The following LRRC4C variants were observed in gnomAD, a reference collection of about 807,000 sequenced individuals.
LRRC4C encodes leucine-rich repeat-containing protein 4C.
In LRRC4C, 5 loss-of-function variants were observed where a neutral mutation model predicts 33.6. The observed-to-expected ratio is 0.15, with a 90% CI of 0.08 to 0.31. LRRC4C has a LOEUF of 0.31. LRRC4C is among the 10% of genes least tolerant of loss of function. The pLI is 1.00. For synonymous variants in LRRC4C, 329 were observed against 302.0 expected, an observed-to-expected ratio of 1.09 and a Z score of -0.93; for missense variants, 560 against 796.7, an observed-to-expected ratio of 0.70 and a Z score of 3.58.
At chr11:40,261,570 A>G (rs1238555234) in intron 4 of LRRC4C, among the ~76,000 whole-genome samples, 1 of 152,182 alleles carries the variant, frequency 6.6e-6, no homozygotes, top group Non-Finnish European at 1.5e-5. Context: ...GATAAAAACA[A>G]GTTTTAGAAG....
chr11:41,022,352 A>C (rs542720156), intron 1 of LRRC4C, among the ~76,000 whole-genome samples: 2 of 152,010 alleles, frequency 1.3e-5, no homozygotes, highest in African/African-American at 4.8e-5. Flanking sequence ...AAGAAAACTG[A>C]ACCTTTAATC....
intron 1 of LRRC4C, among the ~76,000 whole-genome samples, chr11:41,438,983 T>C (rs1955528333): frequency 6.6e-6 from 1 of 152,190 alleles, no homozygotes; most frequent in South Asian, 2.1e-4. Context: ...TGTGTAGTGG[T>C]GAAGTCTGTA....
At chr11:40,211,820 C>T (rs1160228187) in intron 5 of LRRC4C, among the ~76,000 whole-genome samples, 1 of 152,128 alleles carries the variant, frequency 6.6e-6, no homozygotes, top group Non-Finnish European at 1.5e-5. Flanking sequence ...CTTTCTGCTT[C>T]CCGAAATGTT....
At chr11:41,046,820 A>G (rs1857807148) in intron 1 of LRRC4C, among the ~76,000 whole-genome samples, 1 of 152,178 alleles carries the variant, frequency 6.6e-6, no homozygotes, top group African/African-American at 2.4e-5. Context: ...CTTATTACTG[A>G]ACTATAGAGA....
chr11:40,597,469 A>G (rs927215806), intron 3 of LRRC4C, among the ~76,000 whole-genome samples: 1 of 152,124 alleles, frequency 6.6e-6, no homozygotes, highest in Non-Finnish European at 1.5e-5. Context: ...TCTATTGTCT[A>G]TCATCAATCC....
At chr11:41,047,324 A>C (rs1857843740) in intron 1 of LRRC4C, among the ~76,000 whole-genome samples, 1 of 152,150 alleles carries the variant, frequency 6.6e-6, no homozygotes, top group Non-Finnish European at 1.5e-5. Flanking sequence ...TATAATTATT[A>C]TAATTTTTAA....
chr11:40,705,876 T>C (rs927553990), intron 2 of LRRC4C, among the ~76,000 whole-genome samples: 1 of 152,136 alleles, frequency 6.6e-6, no homozygotes, highest in African/African-American at 2.4e-5. Flanking sequence ...TGTTGTTTCC[T>C]GACTTTTTAA....
rs150139835 is a variant in LRRC4C at position 40,528,146 on chromosome 11, C to T, written c.-270+119996G>A. On this transcript the variant is annotated intron_variant, in intron 3 of 6. Coordinates refer to ENST00000528697, the MANE Select transcript of LRRC4C (RefSeq NM_001258419.2). The stretch of plus-strand genomic sequence containing the variant: ...AAAACTGATTTCTTGGATATAACAC[C>T]GAAAGCAAAGCAAAAAAGCAAAAAT... 1.3e-4 allele frequency among the ~76,000 whole-genome samples: 19 copies of T among 151,856 alleles called. No individual in the cohort carries two copies. The East Asian group carries it at 2.9e-3, about 23-fold the overall frequency.
intron 1 of LRRC4C, among the ~76,000 whole-genome samples, chr11:41,452,985 C>T (rs1057225204): frequency 5.9e-5 from 9 of 151,998 alleles, no homozygotes; most frequent in Non-Finnish European, 1.2e-4. Context: ...AATCTCTGTT[C>T]TAGATACTTT....
chr11:40,166,573 T>G lies in LRRC4C; in HGVS notation c.-95-25720A>C, dbSNP rs532376939. Among the ~76,000 whole-genome samples, 4 of 152,266 alleles carry G rather than the reference T, an allele frequency of 2.6e-5. No individual in the cohort carries two copies. The South Asian group carries it at 6.2e-4, about 24-fold the overall frequency. ...ATATGCTTCTGATATGTGTGATTTT[T>G]TATTAGAATATTTCACATAAATATA... On this transcript the variant is annotated intron_variant, in intron 5 of 6. Transcript: ENST00000528697.
intron 2 of LRRC4C, among the ~76,000 whole-genome samples, chr11:40,827,656 C>G (rs1050209892): frequency 1.3e-5 from 2 of 151,694 alleles, no homozygotes; most frequent in African/African-American, 4.8e-5. Context: ...TGCTTTTAAA[C>G]TGAAAAAATA....
chr11:41,238,769 C>A (rs1417657202), intron 1 of LRRC4C, among the ~76,000 whole-genome samples: 1 of 152,090 alleles, frequency 6.6e-6, no homozygotes, highest in Non-Finnish European at 1.5e-5. Context: ...TATAAAGATC[C>A]AGTGTCAGGT....
At chr11:40,979,008 A>G (rs986878554) in intron 1 of LRRC4C, among the ~76,000 whole-genome samples, 1 of 152,132 alleles carries the variant, frequency 6.6e-6, no homozygotes, top group African/African-American at 2.4e-5. Context: ...ATACAATTCA[A>G]TCCTTGAATA....
At chr11:41,343,325 C>A (rs1951698581) in intron 1 of LRRC4C, among the ~76,000 whole-genome samples, 1 of 152,024 alleles carries the variant, frequency 6.6e-6, no homozygotes, top group Admixed American at 6.6e-5. Context: ...GGTGATTCAA[C>A]TGATTCTTAT....
chr11:40,622,296 A>C (rs765821651), intron 3 of LRRC4C, among the ~76,000 whole-genome samples: 7 of 152,030 alleles, frequency 4.6e-5, no homozygotes, highest in East Asian at 1.9e-4. Context: ...TAAGCAAATA[A>C]AACAGAATTA....
chr11:41,028,313 G>A (rs1856510608), intron 1 of LRRC4C, among the ~76,000 whole-genome samples: 1 of 151,404 alleles, frequency 6.6e-6, no homozygotes, highest in Non-Finnish European at 1.5e-5. Context: ...TGGGGCCAAG[G>A]TCTTGAAAAG....
intron 3 of LRRC4C, among the ~76,000 whole-genome samples, chr11:40,594,272 G>T (rs1250987548): frequency 6.6e-6 from 1 of 152,216 alleles, no homozygotes; most frequent in African/African-American, 2.4e-5. Flanking sequence ...ATTATGCTGG[G>T]TTTTTTATGT....
intron 1 of LRRC4C, among the ~76,000 whole-genome samples, chr11:41,186,293 T>C (rs1945692743): frequency 6.6e-6 from 1 of 152,140 alleles, no homozygotes; most frequent in Non-Finnish European, 1.5e-5. Flanking sequence ...AGTAGAGAAG[T>C]GGTTAAGTAT....
At chr11:40,701,560 G>A (rs1272399263) in intron 2 of LRRC4C, among the ~76,000 whole-genome samples, 2 of 150,366 alleles carry the variant, frequency 1.3e-5, no homozygotes, top group Non-Finnish European at 3.0e-5. Flanking sequence ...ATATATTTGG[G>A]GATGGGTTTC....
Sources: allele counts gnomAD v4.1 joint callset (sites outside exome capture counted in the v4.1 genomes callset), GRCh38; gene constraint gnomAD v4.1.1; transcripts MANE v1.5; gene names NCBI Gene and HGNC (gene_info 2026-07-23, HGNC 2026-07-21).